Variants in RAB28 observed in about 807,000 individuals in gnomAD.
RAB28 encodes RAB28, member RAS oncogene family.
Under a neutral mutation model 31.7 loss-of-function variants are expected in RAB28, and 24 were observed. That is an observed-to-expected ratio of 0.76 (90% confidence interval 0.55 to 1.06). RAB28 has a LOEUF of 1.06. Among genes scored for constraint, RAB28 ranks in the 50% least tolerant of loss-of-function variants. The pLI, the probability that RAB28 is intolerant of heterozygous loss-of-function variation, is 0.00. For synonymous variants in RAB28, 100 were observed against 90.4 expected (o/e 1.11, Z -0.60); for missense variants, 254 against 258.5 (o/e 0.98, Z 0.12).
At chr4:13,418,659 A>C (rs1219709575) in intron 4 of RAB28, among the ~76,000 whole-genome samples, 1 of 152,220 alleles carries the variant, frequency 6.6e-6, no homozygotes, top group Non-Finnish European at 1.5e-5. Context: ...ACTAAGCTTC[A>C]TAAGTGAAGG....
chr4:13,382,180 T>G (rs1729160129), intron 4 of RAB28, among the ~76,000 whole-genome samples: 1 of 152,224 alleles, frequency 6.6e-6, no homozygotes, highest in South Asian at 2.1e-4. Context: ...GTATCCATTT[T>G]GAGAGTAAGG....
At chr4:13,430,890 G>A (rs370237863) in intron 4 of RAB28, among the ~76,000 whole-genome samples, 8 of 152,160 alleles carry the variant, frequency 5.3e-5, no homozygotes, top group East Asian at 1.9e-4. Context: ...CAAAGGAAAC[G>A]GGTGCAGCAC....
At chr4:13,476,976 G>GT (rs140178558) in intron 2 of RAB28, among the ~76,000 whole-genome samples, 2,093 of 151,456 alleles carry the variant, frequency 0.014, 22 homozygotes, top group Middle Eastern at 0.045. Flanking sequence ...AGTACACTTG[G>GT]TGCCTTGGTT....
At position 13,375,794 on chromosome 4, in the gene RAB28, C is replaced by CACAG. The variant is rs71648135; in HGVS notation, c.573+750_573+751insCTGT. 2.8e-3 allele frequency among the ~76,000 whole-genome samples: 415 copies of CACAG among 148,204 alleles called. 6 individuals are homozygous for CACAG. The highest frequency in any genetic ancestry group is 0.01 in the African/African-American group (394 of 39,378). On this transcript the variant is annotated intron_variant, in intron 6 of 6. Transcript: ENST00000330852. ...ACACACACACACACACACACACACA[C>CACAG]AGAGAGAGAGAGAGACCATGAGAAA...
At chr4:13,464,107 C>T (rs894665579) in intron 3 of RAB28, among the ~76,000 whole-genome samples, 2 of 152,032 alleles carry the variant, frequency 1.3e-5, no homozygotes, top group East Asian at 1.9e-4. Context: ...ATAATTTTGA[C>T]GAACTGCTGG....
rs1729126718 is a variant in RAB28, at chr4:13,381,518, G to C, written c.468C>G (p.His156Gln). 3 of 1,612,700 alleles carry C rather than the reference G, an allele frequency of 1.9e-6. No individual in the cohort carries two copies. Among genetic ancestry groups the C allele is most frequent in the Non-Finnish European group, 2.5e-6 (3 of 1,178,944 alleles). ...AGTCTCCTGTCTTGGCTGAGACAAAGTGGCTACTAAAACCATTTTCCTGGC... is the reference window on the plus strand; with the variant it reads ...AGTCTCCTGTCTTGGCTGAGACAAACTGGCTACTAAAACCATTTTCCTGGC... ...RFCQENGFSSHFVSAKTGDSV... is the reference protein window; with the variant it reads ...RFCQENGFSSQFVSAKTGDSV... The change falls in exon 5 of 7, where the codon CAC (histidine) becomes CAG (glutamine). Residue 156 changes from histidine (H) to glutamine (Q), a missense_variant. Physicochemically the swap from His to Gln is conservative, Grantham distance 24. Transcript: ENST00000330852.
chr4:13,442,232 T>C (rs1714455751), intron 4 of RAB28, among the ~76,000 whole-genome samples: 2 of 152,210 alleles, frequency 1.3e-5, no homozygotes, highest in South Asian at 2.1e-4. Context: ...AATTAAGGAC[T>C]TTCCATTTGT....
At chr4:13,433,399 A>G (rs560110458) in intron 4 of RAB28, among the ~76,000 whole-genome samples, 18 of 152,290 alleles carry the variant, frequency 1.2e-4, no homozygotes, top group African/African-American at 4.3e-4. Context: ...AATTTTGCAC[A>G]CTATGTATCC....
chr4:13,375,873 G>C (rs1287313469), intron 6 of RAB28, among the ~76,000 whole-genome samples: 3 of 151,950 alleles, frequency 2.0e-5, no homozygotes, highest in African/African-American at 7.3e-5. Flanking sequence ...GATGGGAAAA[G>C]ATAATTATAC....
chr4:13,400,683 C>T (rs1250270366), intron 4 of RAB28, among the ~76,000 whole-genome samples: 1 of 152,134 alleles, frequency 6.6e-6, no homozygotes, highest in African/African-American at 2.4e-5. Flanking sequence ...TTAAGTATGA[C>T]ATTAATTGTA....
chr4:13,407,326 G>A (rs1014613214), intron 4 of RAB28, among the ~76,000 whole-genome samples: 1 of 152,098 alleles, frequency 6.6e-6, no homozygotes, highest in Admixed American at 6.5e-5. Flanking sequence ...TAGATGTGTG[G>A]CGTTATTTCT....
At position 13,437,873 on chromosome 4, in the gene RAB28, T is replaced by A. The variant is rs560519968; in HGVS notation, c.391+22826A>T. Among the ~76,000 whole-genome samples the A allele has an allele frequency of 2.6e-5, 4 of 152,214 alleles. No individual in the cohort carries two copies. The East Asian group carries it at 5.8e-4, about 22-fold the overall frequency. ...TATCTACACAAAGGAAAATAATTCA[T>A]CCATAAAAGATACCTGCATTCTTAT... On this transcript the variant is annotated intron_variant, in intron 4 of 6. Transcript: ENST00000330852.
At chr4:13,435,845 G>A (rs1298446238) in intron 4 of RAB28, among the ~76,000 whole-genome samples, 1 of 152,132 alleles carries the variant, frequency 6.6e-6, no homozygotes, top group Non-Finnish European at 1.5e-5. Context: ...AAAAGTCAAG[G>A]AGGGATATCT....
chr4:13,435,878 A>G (rs1180276477), intron 4 of RAB28, among the ~76,000 whole-genome samples: 1 of 152,198 alleles, frequency 6.6e-6, no homozygotes, highest in Non-Finnish European at 1.5e-5. Flanking sequence ...CTATGAAATC[A>G]GTATCGTCCT....
chr4:13,429,194 G>A (rs1713674563), intron 4 of RAB28, among the ~76,000 whole-genome samples: 1 of 151,962 alleles, frequency 6.6e-6, no homozygotes. Context: ...TGATCCACCC[G>A]CCTCAGCCTC....
At chr4:13,379,383 C>T (rs1449785240) in intron 5 of RAB28, among the ~76,000 whole-genome samples, 1 of 151,680 alleles carries the variant, frequency 6.6e-6, no homozygotes, top group Non-Finnish European at 1.5e-5. Context: ...ATGGGTACAC[C>T]CATGAAAAAG....
intron 3 of RAB28, among the ~76,000 whole-genome samples, chr4:13,466,503 T>C (rs1715852662): frequency 6.6e-6 from 1 of 151,950 alleles, no homozygotes; most frequent in Non-Finnish European, 1.5e-5. Flanking sequence ...ATTACCCTCT[T>C]ATACCTGTCA....
Position 13,484,181 on chromosome 4 carries a change from G to C in RAB28, c.-31C>G. On this transcript the variant is annotated 5_prime_UTR_variant, in exon 1 of 7. Transcript: ENST00000330852. ...CCCGGGAACCAGGCCCGCCCCTCGA[G>C]GTGGGGGGGGAAGGGAAGGATGAAG... 6.4e-7 allele frequency: 1 copy of C among 1,550,470 alleles called. No homozygotes were observed.
intron 3 of RAB28, 166 bp downstream of exon 3, chr4:13,474,152 G>A (rs1486812007): frequency 2.7e-6 from 2 of 741,816 alleles, no homozygotes; most frequent in South Asian, 1.4e-5. Context: ...ACATAATTAG[G>A]AGAGCATGAA....
Sources: gnomAD v4.1 joint callset for allele counts (sites outside exome capture counted in the v4.1 genomes callset) on GRCh38, gnomAD v4.1.1 for gene constraint, MANE v1.5 for transcripts, NCBI Gene and HGNC (gene_info 2026-07-23, HGNC 2026-07-21) for gene names.